FGF12: variants seen among roughly 807,000 people sequenced by gnomAD.
FGF12 encodes the protein fibroblast growth factor 12B.
In FGF12, 14 loss-of-function variants were observed where a neutral mutation model predicts 23.6. The observed-to-expected ratio is 0.59, with a 90% CI of 0.39 to 0.93. The LOEUF (loss-of-function observed/expected upper bound fraction) is 0.93. Among genes scored for constraint, FGF12 ranks in the 40% least tolerant of loss-of-function variants. The probability of loss-of-function intolerance (pLI) is 0.00; values close to 1 mark genes in which losing one functional copy is unlikely to be tolerated. For missense variants in FGF12, 175 were observed against 217.8 expected (o/e 0.80, Z 1.24); for synonymous variants, 62 against 77.3 (o/e 0.80, Z 1.04).
chr3:192,340,152 C>T (rs1717623422), intron 3 of FGF12, among the ~76,000 whole-genome samples: 1 of 152,014 alleles, frequency 6.6e-6, no homozygotes, highest in African/African-American at 2.4e-5. Context: ...TGGAATGTCA[C>T]TCTCCCTACA....
intron 2 of FGF12, among the ~76,000 whole-genome samples, chr3:192,716,775 T>G (rs921090755): frequency 2.6e-5 from 4 of 152,178 alleles, no homozygotes; most frequent in African/African-American, 9.7e-5. Context: ...AGAGCGTCAT[T>G]GTACAAATTA....
At chr3:192,572,929 A>G (rs1260811338) in intron 2 of FGF12, among the ~76,000 whole-genome samples, 5 of 152,224 alleles carry the variant, frequency 3.3e-5, no homozygotes, top group Admixed American at 3.3e-4. Context: ...TATAAAATAA[A>G]TATTTAGTAA....
chr3:192,289,815 T>C (rs1207728221), intron 4 of FGF12, among the ~76,000 whole-genome samples: 1 of 152,138 alleles, frequency 6.6e-6, no homozygotes, highest in Admixed American at 6.6e-5. Context: ...GGGGAATAAG[T>C]AGAATTTACA....
chr3:192,274,603 G>GAGAGAC (rs1384295930), intron 4 of FGF12, among the ~76,000 whole-genome samples: 3 of 151,692 alleles, frequency 2.0e-5, no homozygotes, highest in Non-Finnish European at 2.9e-5. Flanking sequence ...AAGAGAGAGA[G>GAGAGAC]ATAGAATATA....
intron 2 of FGF12, among the ~76,000 whole-genome samples, chr3:192,382,097 A>C (rs1719841967): frequency 6.6e-6 from 1 of 152,016 alleles, no homozygotes; most frequent in Non-Finnish European, 1.5e-5. Context: ...TCCGGGTTCA[A>C]GCCATTCTCC....
chr3:192,568,654 GT>G (rs1199443200), intron 2 of FGF12, among the ~76,000 whole-genome samples: 1 of 152,114 alleles, frequency 6.6e-6, no homozygotes, highest in Non-Finnish European at 1.5e-5. Flanking sequence ...TTTTGAGAGT[GT>G]TTTTGTTAAT....
intron 2 of FGF12, among the ~76,000 whole-genome samples, chr3:192,685,013 T>C (rs1717680508): frequency 6.6e-6 from 1 of 152,192 alleles, no homozygotes; most frequent in South Asian, 2.1e-4. Flanking sequence ...ATGAAGATAA[T>C]AGTATCCACA....
intron 4 of FGF12, among the ~76,000 whole-genome samples, chr3:192,178,023 A>AG (rs1416829317): frequency 5.3e-5 from 8 of 152,202 alleles, no homozygotes; most frequent in African/African-American, 1.9e-4. Context: ...ATTAAACAAC[A>AG]AATCGACTCC....
At chr3:192,621,880 A>G (rs73887653) in intron 2 of FGF12, among the ~76,000 whole-genome samples, 10,447 of 151,988 alleles carry the variant, frequency 0.069, 1,224 homozygotes, top group African/African-American at 0.24. Context: ...AATAAGGGAA[A>G]TTGGTACATA....
intron 2 of FGF12, among the ~76,000 whole-genome samples, chr3:192,494,792 G>A (rs1430224207): frequency 6.6e-6 from 1 of 151,964 alleles, no homozygotes; most frequent in Non-Finnish European, 1.5e-5. Context: ...AAACTCAAGG[G>A]CTTATCTACA....
intron 5 of FGF12, among the ~76,000 whole-genome samples, chr3:192,159,719 C>T (rs577371361): frequency 5.9e-5 from 9 of 152,232 alleles, no homozygotes; most frequent in African/African-American, 1.2e-4. Context: ...GTGAATCTTT[C>T]GTAATGTCTG....
chr3:192,188,145 T>A (rs1056538553), intron 4 of FGF12, among the ~76,000 whole-genome samples: 1 of 152,232 alleles, frequency 6.6e-6, no homozygotes, highest in Non-Finnish European at 1.5e-5. Context: ...AATAATTTCA[T>A]AATCATGTGA....
chr3:192,479,582 C>T (rs1250231810), intron 2 of FGF12, among the ~76,000 whole-genome samples: 1 of 152,114 alleles, frequency 6.6e-6, no homozygotes, highest in Non-Finnish European at 1.5e-5. Flanking sequence ...AAGAGAGATT[C>T]CTTACTCTTG....
chr3:192,500,442 CCA>C (rs1724101619), intron 2 of FGF12, among the ~76,000 whole-genome samples: 1 of 150,336 alleles, frequency 6.7e-6, no homozygotes, highest in Non-Finnish European at 1.5e-5. Flanking sequence ...CAACATCCCC[CCA>C]CCCGCCACAC....
At chr3:192,663,105 T>TG (rs1716731804) in intron 2 of FGF12, among the ~76,000 whole-genome samples, 1 of 152,240 alleles carries the variant, frequency 6.6e-6, no homozygotes, top group South Asian at 2.1e-4. Context: ...TAGCATGACT[T>TG]GGAAAACTTG....
intron 2 of FGF12, among the ~76,000 whole-genome samples, chr3:192,418,463 A>G (rs1280324428): frequency 6.6e-6 from 1 of 152,142 alleles, no homozygotes; most frequent in Non-Finnish European, 1.5e-5. Flanking sequence ...ACCACAGAAA[A>G]ATATCAAAAA....
At chr3:192,270,694 T>A (rs1040574737) in intron 4 of FGF12, among the ~76,000 whole-genome samples, 2 of 151,728 alleles carry the variant, frequency 1.3e-5, no homozygotes, top group Non-Finnish European at 2.9e-5. Flanking sequence ...ACCCATATAT[T>A]CCTCCAGATT....
intron 4 of FGF12, among the ~76,000 whole-genome samples, chr3:192,262,333 G>A (rs1212571407): frequency 6.6e-6 from 1 of 152,028 alleles, no homozygotes; most frequent in Non-Finnish European, 1.5e-5. Context: ...ACACTTTTCT[G>A]AAGACAAAAA....
intron 4 of FGF12, among the ~76,000 whole-genome samples, chr3:192,332,177 A>C (rs1717158467): frequency 6.6e-6 from 1 of 152,148 alleles, no homozygotes; most frequent in Non-Finnish European, 1.5e-5. Flanking sequence ...GCAGCAAGAA[A>C]GGTTGTGATA....
Sources: allele counts gnomAD v4.1 joint callset (sites outside exome capture counted in the v4.1 genomes callset), GRCh38; gene constraint gnomAD v4.1.1; transcripts MANE v1.5; gene names NCBI Gene and HGNC (gene_info 2026-07-23, HGNC 2026-07-21).